CDH4: variants seen among roughly 807,000 people sequenced by gnomAD.
CDH4 encodes cadherin-4.
Under a neutral mutation model 86.0 loss-of-function variants are expected in CDH4, and 33 were observed. That is an observed-to-expected ratio of 0.38 (90% CI 0.29 to 0.51). CDH4 has a LOEUF of 0.51. Among genes scored for constraint, CDH4 ranks in the 20% least tolerant of loss-of-function variants. The probability of loss-of-function intolerance (pLI) is 0.86; values close to 1 mark genes in which losing one functional copy is unlikely to be tolerated. For missense variants in CDH4, 1,114 were observed against 1,307.4 expected (o/e 0.85, Z 2.28); for synonymous variants, 555 against 549.4 (o/e 1.01, Z -0.14).
chr20:61,286,249 T>C (rs548392042), intron 2 of CDH4, among the ~76,000 whole-genome samples: 1 of 152,366 alleles, frequency 6.6e-6, no homozygotes, highest in South Asian at 2.1e-4. Context: ...CAGGAGGCAG[T>C]GCAGGGTGAG....
At chr20:61,745,446 C>T (rs2088402534) in intron 3 of CDH4, among the ~76,000 whole-genome samples, 2 of 152,184 alleles carry the variant, frequency 1.3e-5, no homozygotes, top group Non-Finnish European at 1.5e-5. Context: ...AAGTGTGACT[C>T]AGATGGACAG....
chr20:61,666,438 G>T (rs996626907), intron 2 of CDH4, among the ~76,000 whole-genome samples: 2 of 152,246 alleles, frequency 1.3e-5, no homozygotes, highest in Non-Finnish European at 2.9e-5. Flanking sequence ...CAATCCCACT[G>T]GCAGTGCACA....
rs113763366 is a variant in CDH4 at position 61,469,641 on chromosome 20, G to A, written c.169+214704G>A. 6.9e-3 allele frequency among the ~76,000 whole-genome samples: 1,044 copies of A among 152,214 alleles called. 10 individuals carry two copies. The highest frequency in any genetic ancestry group is 0.024 in the African/African-American group (988 of 41,538). On this transcript the variant is annotated intron_variant, in intron 2 of 15. Coordinates refer to ENST00000614565, the MANE Select transcript of CDH4 (RefSeq NM_001794.5). ...ATTCAAGAAATCTTTGCCCAGTCCA[G>A]TGTCTTGGAAAGTTTCCCCAATGTT...
intron 2 of CDH4, among the ~76,000 whole-genome samples, chr20:61,572,632 A>T (rs1403890658): frequency 6.6e-6 from 1 of 152,242 alleles, no homozygotes; most frequent in African/African-American, 2.4e-5. Flanking sequence ...CCAGTCCTGA[A>T]CAAGGCCCCC....
chr20:61,831,249 A>T (rs1479241614), intron 4 of CDH4, among the ~76,000 whole-genome samples: 1 of 152,236 alleles, frequency 6.6e-6, no homozygotes, highest in East Asian at 1.9e-4. Context: ...AATAAAAGTG[A>T]AATTTCAATT....
Position 61,452,948 on chromosome 20 carries a change from A to G in CDH4, c.169+198011A>G, listed in dbSNP as rs1181553638. On this transcript the variant is annotated intron_variant, in intron 2 of 15. Transcript: ENST00000614565. ...CCTTCTTATAATAACACACTTAATA[A>G]AAAGCATAGCTGGTATTTAATCTTG... 7.2e-5 allele frequency among the ~76,000 whole-genome samples: 11 copies of G among 152,348 alleles called. No homozygotes were observed. In the East Asian group the frequency reaches 2.1e-3, roughly 29 times the overall value.
chr20:61,720,573 G>A (rs1397682623), intron 2 of CDH4, among the ~76,000 whole-genome samples: 1 of 150,636 alleles, frequency 6.6e-6, no homozygotes, highest in Non-Finnish European at 1.5e-5. Flanking sequence ...GCAGAGTACA[G>A]GGGTACAGAG....
intron 2 of CDH4, among the ~76,000 whole-genome samples, chr20:61,290,476 A>G (rs1176975005): frequency 1.3e-5 from 2 of 150,672 alleles, no homozygotes; most frequent in South Asian, 2.1e-4. Context: ...CCCGTATCCA[A>G]TGAGACTTGC....
At chr20:61,385,895 G>A (rs1327145413) in intron 2 of CDH4, among the ~76,000 whole-genome samples, 1 of 152,216 alleles carries the variant, frequency 6.6e-6, no homozygotes, top group African/African-American at 2.4e-5. Context: ...CATTTGCTAT[G>A]TAGATTGCAG....
chr20:61,785,581 C>T (rs1400915433), intron 4 of CDH4, among the ~76,000 whole-genome samples: 1 of 152,128 alleles, frequency 6.6e-6, no homozygotes, highest in Non-Finnish European at 1.5e-5. Flanking sequence ...GGGCCCTCAC[C>T]CAGGTGCGCA....
chr20:61,479,060 G>A (rs1254807998), intron 2 of CDH4, among the ~76,000 whole-genome samples: 2 of 151,778 alleles, frequency 1.3e-5, no homozygotes, highest in East Asian at 3.9e-4. Flanking sequence ...GTGGTCTTCT[G>A]GCTTGCATCA....
intron 8 of CDH4, among the ~76,000 whole-genome samples, chr20:61,901,813 T>C (rs2054730797): frequency 1.3e-5 from 2 of 152,230 alleles, no homozygotes; most frequent in South Asian, 4.1e-4. Flanking sequence ...GAGTCCCATT[T>C]CCGCTCATTC....
chr20:61,322,915 T>C (rs2427081), intron 2 of CDH4, among the ~76,000 whole-genome samples: 9 of 151,862 alleles, frequency 5.9e-5, no homozygotes, highest in African/African-American at 2.2e-4. Flanking sequence ...TGTCCCCTTT[T>C]ATGTCCCAGG....
At chr20:61,432,355 G>A (rs185838738) in intron 2 of CDH4, among the ~76,000 whole-genome samples, 21 of 152,142 alleles carry the variant, frequency 1.4e-4, no homozygotes, top group African/African-American at 4.3e-4. Context: ...TTCTAATCTC[G>A]CTGTAGTTTA....
At chr20:61,749,864 C>A (rs1216417190) in intron 3 of CDH4, among the ~76,000 whole-genome samples, 4 of 152,172 alleles carry the variant, frequency 2.6e-5, no homozygotes, top group African/African-American at 9.6e-5. Flanking sequence ...AGCTTGAGCC[C>A]AGCCCAGCCA....
chr20:61,307,542 A>G (rs1460534921), intron 2 of CDH4, among the ~76,000 whole-genome samples: 2 of 152,242 alleles, frequency 1.3e-5, no homozygotes, highest in African/African-American at 2.4e-5. Context: ...AAAGGTCACT[A>G]TAACCTGAAT....
In CDH4 at chr20:61,422,351, G is replaced by C. The variant is rs552360194; in HGVS notation, c.169+167414G>C. ...AAGCAGGAGAATCGCTTGAACCCGG[G>C]TGGCAGAGGTTGCAGTGAGCCGAGA... On this transcript the variant is annotated intron_variant, in intron 2 of 15. Transcript: ENST00000614565. Among the ~76,000 whole-genome samples the C allele has an allele frequency of 8.5e-5, 12 of 141,846 alleles. 1 individual carries two copies. The South Asian group carries it at 2.7e-3, about 32-fold the overall frequency. The allele number at this position is 141,846 out of a possible 152,430, so 93.1% of individuals were successfully genotyped here.
chr20:61,461,166 A>C (rs1217330395), intron 2 of CDH4, among the ~76,000 whole-genome samples: 1 of 152,132 alleles, frequency 6.6e-6, no homozygotes, highest in Non-Finnish European at 1.5e-5. Context: ...TTTTAAAGAG[A>C]ATATTGATAA....
intron 2 of CDH4, among the ~76,000 whole-genome samples, chr20:61,537,172 C>A (rs944999852): frequency 1.3e-5 from 2 of 152,186 alleles, no homozygotes; most frequent in Admixed American, 6.5e-5. Flanking sequence ...CACTTTCTTT[C>A]CCCCTGAGCT....
Sources: gnomAD v4.1 joint callset for allele counts (sites outside exome capture counted in the v4.1 genomes callset) on GRCh38, gnomAD v4.1.1 for gene constraint, MANE v1.5 for transcripts, NCBI Gene and HGNC (gene_info 2026-07-23, HGNC 2026-07-21) for gene names.